The following CADM2 variants were observed in gnomAD, a reference collection of about 807,000 sequenced individuals.
The protein encoded by CADM2 is immunoglobulin superfamily member 4D.
Under a neutral mutation model 49.8 loss-of-function variants are expected in CADM2, and 12 were observed. The observed-to-expected ratio is 0.24, with a 90% confidence interval of 0.15 to 0.39. The LOEUF is 0.39. Among genes scored for constraint, CADM2 ranks in the 10% least tolerant of loss-of-function variants. The pLI is 1.00. For missense variants in CADM2, 378 were observed against 492.3 expected (o/e 0.77, Z 2.20); for synonymous variants, 214 against 175.4 (o/e 1.22, Z -1.74).
chr3:85,962,367 A>T (rs1724944806), intron 8 of CADM2, among the ~76,000 whole-genome samples: 1 of 152,032 alleles, frequency 6.6e-6, no homozygotes, highest in Admixed American at 6.6e-5. Flanking sequence ...TGACAGTGTC[A>T]TTGAAATGCA....
At chr3:85,351,738 T>C (rs1414906991) in intron 1 of CADM2, among the ~76,000 whole-genome samples, 3 of 152,160 alleles carry the variant, frequency 2.0e-5, no homozygotes, top group Non-Finnish European at 4.4e-5. Flanking sequence ...TTTTAAAGCC[T>C]GGGCCTGTCT....
At chr3:85,475,319 C>T (rs1159148923) in intron 1 of CADM2, among the ~76,000 whole-genome samples, 1 of 151,866 alleles carries the variant, frequency 6.6e-6, no homozygotes, top group East Asian at 1.9e-4. Context: ...GTGGGCCTGG[C>T]CTCCTATCTA....
intron 1 of CADM2, among the ~76,000 whole-genome samples, chr3:85,157,486 A>T (rs1336837368): frequency 6.6e-6 from 1 of 152,202 alleles, no homozygotes; most frequent in Admixed American, 6.5e-5. Flanking sequence ...TGGTACCAAA[A>T]CAGAGATATA....
chr3:85,861,912 C>A (rs2075551583), intron 3 of CADM2, among the ~76,000 whole-genome samples: 1 of 151,680 alleles, frequency 6.6e-6, no homozygotes, highest in South Asian at 2.1e-4. Context: ...TATAATATGT[C>A]CTGATATATT....
chr3:85,342,844 G>A (rs1370080838), intron 1 of CADM2, among the ~76,000 whole-genome samples: 1 of 152,098 alleles, frequency 6.6e-6, no homozygotes, highest in Admixed American at 6.6e-5. Flanking sequence ...AGTCATAGCT[G>A]TAAACGTAAA....
intron 8 of CADM2, among the ~76,000 whole-genome samples, chr3:86,042,956 T>C (rs1224884937): frequency 6.6e-6 from 1 of 152,122 alleles, no homozygotes; most frequent in Non-Finnish European, 1.5e-5. Context: ...ATCCAGCATA[T>C]AAACAGAACC....
At chr3:85,014,049 T>A (rs531661092) in intron 1 of CADM2, among the ~76,000 whole-genome samples, 14 of 145,844 alleles carry the variant, frequency 9.6e-5, no homozygotes, top group African/African-American at 3.5e-4. Context: ...GTATATTATA[T>A]ATACGCAGTG....
At chr3:85,354,630 G>GAGAGAGAC (rs2107253044) in intron 1 of CADM2, among the ~76,000 whole-genome samples, 1 of 151,378 alleles carries the variant, frequency 6.6e-6, no homozygotes, top group East Asian at 2.0e-4. Flanking sequence ...GAGAGAGAGA[G>GAGAGAGAC]AGAGAGAGAG....
At chr3:85,877,172 G>C (rs1350679065) in intron 3 of CADM2, among the ~76,000 whole-genome samples, 1 of 152,008 alleles carries the variant, frequency 6.6e-6, no homozygotes, top group East Asian at 1.9e-4. Context: ...CCTCAAAGTG[G>C]CCTACTTAAC....
intron 1 of CADM2, among the ~76,000 whole-genome samples, chr3:85,711,326 C>T (rs2067111266): frequency 6.6e-6 from 1 of 152,110 alleles, no homozygotes; most frequent in Non-Finnish European, 1.5e-5. Flanking sequence ...GAGAAAATCG[C>T]TTTTGTCCCC....
chr3:85,754,974 C>A (rs1252567067), intron 2 of CADM2, among the ~76,000 whole-genome samples: 3 of 152,144 alleles, frequency 2.0e-5, no homozygotes, highest in Non-Finnish European at 4.4e-5. Context: ...TAGTCAGATT[C>A]TTTTCAGTTG....
chr3:85,720,262 G>A (rs1218958995), intron 1 of CADM2, among the ~76,000 whole-genome samples: 1 of 152,080 alleles, frequency 6.6e-6, no homozygotes, highest in Admixed American at 6.5e-5. Context: ...GAGACATAGT[G>A]CTATCCAGTT....
intron 5 of CADM2, among the ~76,000 whole-genome samples, chr3:85,897,769 A>G (rs1226794293): frequency 6.6e-6 from 1 of 152,176 alleles, no homozygotes; most frequent in East Asian, 1.9e-4. Flanking sequence ...AGTTGTATAA[A>G]ACTTTAATTT....
At chr3:85,190,024 G>A (rs1482892503) in intron 1 of CADM2, among the ~76,000 whole-genome samples, 1 of 148,906 alleles carries the variant, frequency 6.7e-6, no homozygotes, top group Non-Finnish European at 1.5e-5. Flanking sequence ...AGGAGCAACA[G>A]AGTGAGACAG....
At chr3:85,375,350 G>T (rs1490741590) in intron 1 of CADM2, among the ~76,000 whole-genome samples, 1 of 152,168 alleles carries the variant, frequency 6.6e-6, no homozygotes, top group Non-Finnish European at 1.5e-5. Context: ...CTCTCAAGAA[G>T]GAGCCTAAAC....
chr3:85,620,658 ATT>A (rs879883544), intron 1 of CADM2, among the ~76,000 whole-genome samples: 1 of 152,100 alleles, frequency 6.6e-6, no homozygotes, highest in Non-Finnish European at 1.5e-5. Flanking sequence ...TCTAAAATAA[ATT>A]TTGATTGTAG....
At chr3:85,133,952 C>T (rs1029447667) in intron 1 of CADM2, among the ~76,000 whole-genome samples, 3 of 152,208 alleles carry the variant, frequency 2.0e-5, no homozygotes, top group Non-Finnish European at 4.4e-5. Flanking sequence ...CAGGAGCCCA[C>T]GGAGGGGATG....
At chr3:85,008,571 G>A (rs1469096893) in intron 1 of CADM2, among the ~76,000 whole-genome samples, 1 of 151,812 alleles carries the variant, frequency 6.6e-6, no homozygotes, top group Non-Finnish European at 1.5e-5. Context: ...AAAAAATATA[G>A]GGAAGTAGGA....
chr3:85,694,943 TA>T (rs137886149), intron 1 of CADM2, among the ~76,000 whole-genome samples: 24 of 151,594 alleles, frequency 1.6e-4, no homozygotes, highest in African/African-American at 4.4e-4. Flanking sequence ...AAAAATAAAA[TA>T]AAAAAAATAA....
Sources: gnomAD v4.1 joint callset for allele counts (sites outside exome capture counted in the v4.1 genomes callset) on GRCh38, gnomAD v4.1.1 for gene constraint, MANE v1.5 for transcripts, NCBI Gene and HGNC (gene_info 2026-07-23, HGNC 2026-07-21) for gene names.